Variants in CCDC125 observed in about 807,000 individuals in gnomAD.
CCDC125 encodes the protein coiled-coil domain containing 125, also known as coiled-coil domain-containing protein 125.
CCDC125 carries 43 observed loss-of-function variants against 57.4 expected under a neutral mutation model. That is an observed-to-expected ratio of 0.75 (90% CI 0.59 to 0.97). CCDC125 has a LOEUF of 0.97. CCDC125 is among the 50% of genes least tolerant of loss of function. CCDC125 has a pLI of 0.00. For synonymous variants in CCDC125, 187 were observed against 195.2 expected, an observed-to-expected ratio of 0.96 and a Z score of 0.35; for missense variants, 563 against 595.7, an observed-to-expected ratio of 0.95 and a Z score of 0.57.
intron 4 of CCDC125, chr5:69,310,841 T>C (rs894185567): frequency 5.2e-6 from 1 of 191,036 alleles, no homozygotes; most frequent in Non-Finnish European, 1.1e-5. Flanking sequence ...GAGGAATGAC[T>C]GCTGATGGGC....
At chr5:69,329,375 A>C (rs1761130840) in intron 1 of CCDC125, among the ~76,000 whole-genome samples, 1 of 151,060 alleles carries the variant, frequency 6.6e-6, no homozygotes, top group African/African-American at 2.4e-5. Flanking sequence ...TTTTGTAGAG[A>C]CGAGGTCTCC....
intron 1 of CCDC125, among the ~76,000 whole-genome samples, chr5:69,332,308 A>G (rs537496356): frequency 6.6e-6 from 1 of 152,352 alleles, no homozygotes; most frequent in South Asian, 2.1e-4. Flanking sequence ...CAATTTGTCG[A>G]AATTAAGAAA....
chr5:69,283,218 ATCT>A (rs1304131688), intron 11 of CCDC125, among the ~76,000 whole-genome samples, 184 bp from the exon 12 acceptor site: 11 of 147,346 alleles, frequency 7.5e-5, no homozygotes, highest in African/African-American at 2.2e-4. Context: ...TTATTCATGA[ATCT>A]TTTTTTTTTT....
chr5:69,307,700 G>T, intron 5 of CCDC125: 2 of 419,796 alleles, frequency 4.8e-6, no homozygotes, highest in Non-Finnish European at 8.6e-6. Context: ...AAAAAAAGAA[G>T]AAGAAATGAG....
At chr5:69,302,004 GC>G (rs1756538127) in intron 7 of CCDC125, among the ~76,000 whole-genome samples, 1 of 151,156 alleles carries the variant, frequency 6.6e-6, no homozygotes, top group South Asian at 2.1e-4. Flanking sequence ...GATCTCTTGA[GC>G]CCAGAAAGTG....
chr5:69,321,280 A>G (rs960614602), intron 1 of CCDC125, among the ~76,000 whole-genome samples: 1 of 152,084 alleles, frequency 6.6e-6, no homozygotes, highest in Non-Finnish European at 1.5e-5. Flanking sequence ...ATCACTTTGT[A>G]CCTCATAAAT....
chr5:69,299,259 G>A (rs759366685), intron 8 of CCDC125, among the ~76,000 whole-genome samples: 16 of 152,044 alleles, frequency 1.1e-4, no homozygotes, highest in African/African-American at 2.4e-4. Context: ...ACAGGCGCCC[G>A]CCACCGCGCC....
chr5:69,330,687 T>G (rs1422830143), intron 1 of CCDC125, among the ~76,000 whole-genome samples: 2 of 152,172 alleles, frequency 1.3e-5, no homozygotes, highest in South Asian at 2.1e-4. Context: ...TCCAAAACAC[T>G]CAGGAGCAAA....
At chr5:69,284,968 G>A (rs879390896) in intron 11 of CCDC125, among the ~76,000 whole-genome samples, 2 of 151,930 alleles carry the variant, frequency 1.3e-5, no homozygotes, top group African/African-American at 2.4e-5. Context: ...GTGGTGGTGG[G>A]CGCCTGCAGT....
Position 69,285,360 on chromosome 5 carries a change from C to A in CCDC125, c.1207G>T (p.Val403Phe), listed in dbSNP as rs1561399656. 5.6e-6 allele frequency: 9 copies of A among 1,610,612 alleles called. No individual in the cohort carries two copies. The highest frequency in any genetic ancestry group is 6.8e-6 in the Non-Finnish European group (8 of 1,179,018). The change falls in exon 11 of 12, where the codon GTC (valine) becomes TTC (phenylalanine). Residue 403 changes from valine (V) to phenylalanine (F), a missense_variant. Coordinates refer to ENST00000396496, the MANE Select transcript of CCDC125 (RefSeq NM_176816.5). ...RMEDQDSPQE[V>F]LKMLIDLLND... is the part of the protein sequence containing the mutation. Reference sequence around the variant, plus strand: ...ACCAAATCTATGAGCATCTTAAGGACCTCTTGAGGACTGTCCTGGTCTTCC... The same window carrying A: ...ACCAAATCTATGAGCATCTTAAGGAACTCTTGAGGACTGTCCTGGTCTTCC...
intron 10 of CCDC125, among the ~76,000 whole-genome samples, chr5:69,286,994 T>TAAAAAAA (rs33957725): frequency 8.9e-6 from 1 of 112,772 alleles, no homozygotes; most frequent in Non-Finnish European, 1.8e-5. Flanking sequence ...GAGTTTAAGA[T>TAAAAAAA]AAAAAAAAAA....
chr5:69,297,105 A>G (rs982992511), intron 8 of CCDC125, among the ~76,000 whole-genome samples: 4 of 152,174 alleles, frequency 2.6e-5, no homozygotes, highest in African/African-American at 9.7e-5. Flanking sequence ...TCGCTCTGTC[A>G]CATAGGCTGG....
chr5:69,320,623 C>G (rs1759876421), intron 1 of CCDC125, 43 bp from the exon 2 acceptor site: 5 of 823,174 alleles, frequency 6.1e-6, no homozygotes, highest in African/African-American at 1.7e-5. Flanking sequence ...ATCAGTAGAT[C>G]CAGCAACCCC....
intron 2 of CCDC125, among the ~76,000 whole-genome samples, chr5:69,317,238 T>C (rs1406563778): frequency 1.3e-5 from 2 of 152,146 alleles, no homozygotes; most frequent in Non-Finnish European, 2.9e-5. Context: ...CTCAAACTCC[T>C]GACCTCATGA....
At chr5:69,280,020 T>C (rs747992140), downstream of CCDC125, among the ~76,000 whole-genome samples, 2 of 152,074 alleles carry the variant, frequency 1.3e-5, no homozygotes, top group African/African-American at 2.4e-5. Flanking sequence ...CTCACAATCA[T>C]GAGAACAGCA....
intron 1 of CCDC125, among the ~76,000 whole-genome samples, chr5:69,325,073 C>T (rs1760556123): frequency 6.6e-6 from 1 of 152,142 alleles, no homozygotes; most frequent in South Asian, 2.1e-4. Context: ...GCCTGCATCT[C>T]AGCAGTTTGG....
chr5:69,276,777 G>A (rs1399689577), downstream of CCDC125: 3 of 1,100,716 alleles, frequency 2.7e-6, no homozygotes, highest in African/African-American at 3.2e-5. Context: ...CAACAGCAAA[G>A]AAATGTAGCT....
intron 1 of CCDC125, chr5:69,323,686 T>C (rs990730265): frequency 3.9e-5 from 6 of 152,148 alleles, no homozygotes; most frequent in African/African-American, 1.2e-4. Flanking sequence ...CCACAGCAGA[T>C]ACAGAGGAGT....
At chr5:69,276,600 C>G (rs1297441822), downstream of CCDC125, 1 of 1,613,864 alleles carries the variant, frequency 6.2e-7, no homozygotes, top group African/African-American at 1.3e-5. Context: ...ATGTCAGCTG[C>G]CAAGACCAAA....
Sources: gnomAD v4.1 joint callset for allele counts (sites outside exome capture counted in the v4.1 genomes callset) on GRCh38, gnomAD v4.1.1 for gene constraint, MANE v1.5 for transcripts, NCBI Gene and HGNC (gene_info 2026-07-23, HGNC 2026-07-21) for gene names.